PTPN11: variants seen among roughly 807,000 people sequenced by gnomAD.
PTPN11 encodes the protein protein tyrosine phosphatase non-receptor type 11.
Under a neutral mutation model 78.8 loss-of-function variants are expected in PTPN11, and 6 were observed. The ratio of observed to expected loss-of-function variants is 0.08; its 90% CI spans 0.04 to 0.15. The LOEUF (loss-of-function observed/expected upper bound fraction) is 0.15. Among genes scored for constraint, PTPN11 ranks in the 10% least tolerant of loss-of-function variants. PTPN11 has a pLI of 1.00. For synonymous variants in PTPN11, 221 were observed against 263.5 expected, an observed-to-expected ratio of 0.84 and a Z score of 1.56; for missense variants, 386 against 744.8, an observed-to-expected ratio of 0.52 and a Z score of 5.61.
At position 112,439,456 on chromosome 12, in the gene PTPN11, G is replaced by A. The variant is rs766262698; in HGVS notation, c.15-6820G>A. 4.6e-4 allele frequency among the ~76,000 whole-genome samples: 70 copies of A among 151,800 alleles called. 1 individual carries two copies. The highest frequency in any genetic ancestry group is 1.3e-4 in the Non-Finnish European group (9 of 67,966). Reference sequence around the variant, plus strand: ...TTACAGTTGCCAGCCACCATGCCCAGCTAATTTTTGTATTATTATTATTAT... The same window carrying A: ...TTACAGTTGCCAGCCACCATGCCCAACTAATTTTTGTATTATTATTATTAT... On this transcript the variant is annotated intron_variant, in intron 1 of 15. Coordinates refer to ENST00000351677, the MANE Select transcript of PTPN11 (RefSeq NM_002834.5).
At chr12:112,460,570 G>A (rs532933919) in intron 6 of PTPN11, among the ~76,000 whole-genome samples, 7 of 152,086 alleles carry the variant, frequency 4.6e-5, no homozygotes, top group African/African-American at 1.4e-4. Flanking sequence ...AAGTCTGGGC[G>A]TGGTGGCACA....
rs200613531 is a variant in PTPN11 at position 112,446,290 on chromosome 12, A to G, written c.29A>G (p.Asn10Ser). Reference protein sequence around the residue: MTSRRWFHPNITGVEAENLL... With the variant: MTSRRWFHPSITGVEAENLL... ...TTCTTTTTAAGATGGTTTCACCCAA[A>G]TATCACTGGTGTGGAGGCAGAAAAC... Residue 10 changes from asparagine to serine, a missense_variant, in exon 2 of 16, where the codon AAT (asparagine) becomes AGT (serine). Around this residue, in one of 3 missense-constraint regions of PTPN11, gnomAD observed 279 missense variants for 503.3 expected, o/e 0.55. Coordinates refer to ENST00000351677, the MANE Select transcript of PTPN11 (RefSeq NM_002834.5). 39 of 1,614,088 alleles carry G rather than the reference A, an allele frequency of 2.4e-5. No homozygotes were observed. The highest frequency in any genetic ancestry group is 3.3e-5 in the Admixed American group (2 of 60,008).
chr12:112,484,947 C>T (rs2038651369), intron 10 of PTPN11, among the ~76,000 whole-genome samples: 1 of 151,644 alleles, frequency 6.6e-6, no homozygotes, highest in Non-Finnish European at 1.5e-5. Context: ...AGAAAAGTGT[C>T]CTTTTACATC....
At chr12:112,450,287 C>T (rs764070941) in intron 2 of PTPN11, 31 bp from the exon 3 acceptor site, 1 of 1,546,298 alleles carries the variant, frequency 6.5e-7, no homozygotes, top group Non-Finnish European at 8.9e-7. Flanking sequence ...TTATTTGTCC[C>T]CTTGCCTCCC....
At chr12:112,486,186 T>C (rs756888798) in intron 10 of PTPN11, among the ~76,000 whole-genome samples, 2 of 152,068 alleles carry the variant, frequency 1.3e-5, no homozygotes, top group African/African-American at 2.4e-5. Context: ...TGCAGGGGAA[T>C]AGGGATGTTA....
intron 6 of PTPN11, among the ~76,000 whole-genome samples, chr12:112,466,193 A>G (rs1473943145): frequency 2.6e-5 from 4 of 152,220 alleles, no homozygotes; most frequent in Admixed American, 2.6e-4. Flanking sequence ...GTGTTTTGAT[A>G]GGCCTTTACT....
chr12:112,446,985 C>T (rs1281705593), intron 2 of PTPN11, among the ~76,000 whole-genome samples: 2 of 152,126 alleles, frequency 1.3e-5, no homozygotes, highest in Non-Finnish European at 2.9e-5. Context: ...CCCGCCTCAG[C>T]CTCCCGGGTA....
chr12:112,466,056 C>G (rs1184572191), intron 6 of PTPN11, among the ~76,000 whole-genome samples: 2 of 152,084 alleles, frequency 1.3e-5, no homozygotes, highest in Non-Finnish European at 2.9e-5. Flanking sequence ...ACAAATCAGT[C>G]TTTATCTTTA....
Position 112,504,763 on chromosome 12 carries a change from G to T in PTPN11, c.1781G>T (p.Ter594LeuextTer19). 6.4e-7 allele frequency: 1 copy of T among 1,572,278 alleles called. No individual in the cohort carries two copies. The highest frequency in any genetic ancestry group is 1.1e-5 in the South Asian group (1 of 90,082). Residue 594 changes from the stop codon to leucine (L), a stop_lost, in exon 15 of 16, where the codon TGA becomes TTA. Coordinates refer to ENST00000351677, the MANE Select transcript of PTPN11 (RefSeq NM_002834.5). This position sits in a 1 kb window ranked among gnomAD's most constrained non-coding sequence, Gnocchi z 4.7. ...GLMQQQKSFR[*>L] is the part of the protein sequence containing the mutation. The stretch of plus-strand genomic sequence containing the variant: ...ATGCAACAGCAGAAAAGTTTCAGAT[G>T]AGAAAACCTGCCAAAACTTCAGCAC...
chr12:112,468,857 A>T (rs1400403437), intron 6 of PTPN11, among the ~76,000 whole-genome samples: 1 of 152,208 alleles, frequency 6.6e-6, no homozygotes, highest in Non-Finnish European at 1.5e-5. Context: ...GGAGTCCTTG[A>T]GTGCGAGACC....
chr12:112,423,413 G>A (rs1258899848), intron 1 of PTPN11, among the ~76,000 whole-genome samples: 1 of 152,036 alleles, frequency 6.6e-6, no homozygotes, highest in Admixed American at 6.6e-5. Flanking sequence ...AGTCTCCTGA[G>A]TAGCTGGGAT....
At chr12:112,453,948 C>T (rs1318467658) in intron 4 of PTPN11, among the ~76,000 whole-genome samples, 1 of 151,960 alleles carries the variant, frequency 6.6e-6, no homozygotes, top group Non-Finnish European at 1.5e-5. Context: ...GTGCCTGATC[C>T]AAAGTCAGAT....
intron 1 of PTPN11, among the ~76,000 whole-genome samples, chr12:112,439,689 C>T (rs1045956117): frequency 4.6e-5 from 7 of 151,466 alleles, no homozygotes; most frequent in Middle Eastern, 3.4e-3. Flanking sequence ...AGGCTGGTCT[C>T]GAACTCCTGA....
intron 13 of PTPN11, among the ~76,000 whole-genome samples, chr12:112,491,882 T>C (rs1031074723): frequency 6.6e-5 from 10 of 152,150 alleles, no homozygotes; most frequent in Admixed American, 5.9e-4. Flanking sequence ...AAGTTTTGTA[T>C]TTTTTGTAGA....
At chr12:112,491,172 G>A (rs538609991) in intron 13 of PTPN11, among the ~76,000 whole-genome samples, 178 of 151,452 alleles carry the variant, frequency 1.2e-3, no homozygotes, top group Non-Finnish European at 2.0e-3. Context: ...AAGTGCAAAC[G>A]AAGCAAGATT....
chr12:112,489,632 A>C (rs1361134326), intron 13 of PTPN11, among the ~76,000 whole-genome samples: 1 of 152,230 alleles, frequency 6.6e-6, no homozygotes, highest in Non-Finnish European at 1.5e-5. Context: ...AATTTTAATA[A>C]GCTGTGCATA....
intron 6 of PTPN11, chr12:112,457,202 A>G: frequency 2.6e-6 from 1 of 388,254 alleles, no homozygotes; most frequent in Non-Finnish European, 5.1e-6. Context: ...TGAATCCAGG[A>G]GTTTGCCCCC....
At chr12:112,420,563 C>CA (rs1430372065) in intron 1 of PTPN11, among the ~76,000 whole-genome samples, 1 of 152,078 alleles carries the variant, frequency 6.6e-6, no homozygotes, top group East Asian at 1.9e-4. Flanking sequence ...AGGCTGGTCT[C>CA]AAACTCCTGA....
intron 6 of PTPN11, among the ~76,000 whole-genome samples, chr12:112,459,134 C>T (rs2038208874): frequency 6.6e-6 from 1 of 152,098 alleles, no homozygotes; most frequent in Admixed American, 6.5e-5. Context: ...TAATAAAAGG[C>T]AGCATTTCAG....
Sources: gnomAD v4.1 joint callset for allele counts (sites outside exome capture counted in the v4.1 genomes callset) on GRCh38, gnomAD v4.1.1 for gene constraint, gnomAD v4.1.1 regional missense constraint, Gnocchi (gnomAD v3.1) non-coding constraint, MANE v1.5 for transcripts, NCBI Gene and HGNC (gene_info 2026-07-23, HGNC 2026-07-21) for gene names.